Variants in MTBP observed in about 807,000 individuals in gnomAD.
The protein encoded by MTBP is MDM2 binding protein.
Under a neutral mutation model 117.0 loss-of-function variants are expected in MTBP, and 101 were observed. The observed-to-expected ratio is 0.86, with a 90% confidence interval of 0.73 to 1.02. The LOEUF is 1.02. Among genes scored for constraint, MTBP ranks in the 50% least tolerant of loss-of-function variants. The pLI, the probability that MTBP is intolerant of heterozygous loss-of-function variation, is 0.00. For missense variants in MTBP, 970 were observed against 1,030.9 expected (o/e 0.94, Z 0.81); for synonymous variants, 350 against 351.5 (o/e 1.00, Z 0.05).
intron 7 of MTBP, 42 bp from the exon 8 acceptor site, chr8:120,459,173 A>G (rs750126611): frequency 1.3e-6 from 2 of 1,539,774 alleles, no homozygotes; most frequent in African/African-American, 1.4e-5. Context: ...TTATAGCATT[A>G]TTCATGATAC....
chr8:120,506,722 C>G lies in MTBP; in HGVS notation c.1744C>G (p.His582Asp), dbSNP rs1563803617. Residue 582 changes from histidine to aspartate, a missense_variant, in exon 16 of 22, where the codon CAT becomes GAT. Physicochemically the swap from His to Asp is moderately conservative, Grantham distance 81. Coordinates refer to ENST00000305949, the MANE Select transcript of MTBP (RefSeq NM_022045.5). ...KQKMRTGSLP[H>D]SSEQLLGHKE... The stretch of plus-strand genomic sequence containing the variant: ...TTTTCCCAGAACTGGTTCATTACCT[C>G]ATTCATCTGAACAGTTGCTGGGCCA... 1.2e-6 allele frequency: 2 copies of G among 1,607,760 alleles called. No homozygotes were observed. Among genetic ancestry groups the G allele is most frequent in the East Asian group, 4.5e-5 (2 of 44,680 alleles).
At chr8:120,445,665 C>A in intron 1 of MTBP, 77 bp downstream of exon 1, 1 of 1,169,666 alleles carries the variant, frequency 8.5e-7, no homozygotes, top group Non-Finnish European at 1.2e-6. Flanking sequence ...TCAAGTTCTG[C>A]TGAAGAGGGA....
intron 13 of MTBP, among the ~76,000 whole-genome samples, chr8:120,495,983 A>C (rs1438088364): frequency 1.3e-5 from 2 of 152,164 alleles, no homozygotes; most frequent in Non-Finnish European, 2.9e-5. Flanking sequence ...ATTTGAACCA[A>C]CTGAAAAATA....
intron 13 of MTBP, among the ~76,000 whole-genome samples, chr8:120,493,749 C>A (rs896257622): frequency 2.6e-5 from 4 of 152,196 alleles, no homozygotes; most frequent in African/African-American, 9.6e-5. Context: ...CTTCGGCCTC[C>A]CAAAGTGCTG....
At chr8:120,509,812 T>G (rs1395780813) in intron 16 of MTBP, 122 bp from the exon 17 acceptor site, 1 of 634,828 alleles carries the variant, frequency 1.6e-6, no homozygotes, top group Non-Finnish European at 2.7e-6. Context: ...CCTTAACCTT[T>G]GTCCCATATA....
intron 11 of MTBP, chr8:120,472,528 GT>G (rs1181956346): frequency 6.6e-6 from 1 of 152,332 alleles, no homozygotes; most frequent in African/African-American, 2.4e-5. Context: ...TGATGTGGGT[GT>G]TTTGAACTTG....
chr8:120,482,987 C>G (rs1814123754), intron 11 of MTBP, among the ~76,000 whole-genome samples: 1 of 151,730 alleles, frequency 6.6e-6, no homozygotes. Flanking sequence ...GAATGAGCCA[C>G]CGCACCCGGA....
rs564151015 is a variant in MTBP at position 120,501,574 on chromosome 8, T to A, written c.1610-918T>A. On this transcript the variant is annotated intron_variant, in intron 14 of 21. Transcript: ENST00000305949. The stretch of plus-strand genomic sequence containing the variant: ...CTGGAAAAAGAAAAAAAAAAAAAAA[T>A]TCCTTTACCAAATCATTACTTTCTC... Among the ~76,000 whole-genome samples the A allele has an allele frequency of 2.4e-4, 36 of 151,060 alleles. No homozygotes were observed. The East Asian group carries it at 5.8e-3, about 24-fold the overall frequency.
At chr8:120,482,985 C>A (rs1476822051) in intron 11 of MTBP, among the ~76,000 whole-genome samples, 1 of 151,610 alleles carries the variant, frequency 6.6e-6, no homozygotes, top group Non-Finnish European at 1.5e-5. Context: ...AGGAATGAGC[C>A]ACCGCACCCG....
chr8:120,515,991 T>TA lies in MTBP; in HGVS notation c.2047dup (p.Ile683AsnfsTer4). The TA allele has an allele frequency of 5.0e-6, 8 of 1,613,084 alleles. No homozygotes were observed. The highest frequency in any genetic ancestry group is 6.8e-6 in the Non-Finnish European group (8 of 1,179,252). On this transcript the variant is annotated frameshift_variant, in exon 18 of 22. Coordinates refer to ENST00000305949, the MANE Select transcript of MTBP (RefSeq NM_022045.5). LOFTEE classifies it high-confidence loss of function. ...GATTTTCTGAACTTCAGTCTCGTCT[T>TA]ATTCGTTATGAAACTCAAACTACCT...
chr8:120,465,036 A>G (rs1194603970), intron 10 of MTBP, among the ~76,000 whole-genome samples: 3 of 152,174 alleles, frequency 2.0e-5, no homozygotes, highest in Non-Finnish European at 4.4e-5. Flanking sequence ...AGAGATTAAT[A>G]AGGCCATACA....
intron 11 of MTBP, among the ~76,000 whole-genome samples, chr8:120,477,645 T>A (rs563446843): frequency 6.6e-6 from 1 of 150,484 alleles, no homozygotes; most frequent in African/African-American, 2.5e-5. Context: ...AATAAACATA[T>A]GAAAAAAAGC....
intron 13 of MTBP, among the ~76,000 whole-genome samples, chr8:120,496,917 A>G (rs990943473): frequency 3.9e-5 from 6 of 151,900 alleles, no homozygotes; most frequent in African/African-American, 1.5e-4. Flanking sequence ...CTCCGTTACC[A>G]CTCGGTCATT....
chr8:120,459,414 G>A, intron 8 of MTBP, 65 bp downstream of exon 8: 1 of 1,475,326 alleles, frequency 6.8e-7, no homozygotes, highest in Non-Finnish European at 9.2e-7. Context: ...AAATATGTTT[G>A]AATCTTGACT....
At chr8:120,485,043 A>ACAT (rs1814180296) in intron 11 of MTBP, among the ~76,000 whole-genome samples, 8 of 151,970 alleles carry the variant, frequency 5.3e-5, no homozygotes, top group Admixed American at 5.2e-4. Flanking sequence ...GATATACCAC[A>ACAT]TTTTATTTAT....
At chr8:120,514,084 T>G (rs1350191691) in intron 17 of MTBP, among the ~76,000 whole-genome samples, 3 of 151,810 alleles carry the variant, frequency 2.0e-5, no homozygotes. Flanking sequence ...AAAGTGTGTA[T>G]TTTTAATATT....
intron 16 of MTBP, among the ~76,000 whole-genome samples, chr8:120,507,175 A>AT (rs557841653): frequency 2.0e-5 from 3 of 150,792 alleles, no homozygotes; most frequent in Admixed American, 6.6e-5. Context: ...GACTTACAAA[A>AT]TTTTTTTTTT....
In MTBP at chr8:120,455,590, T is replaced by TTG. The variant is rs1399840608; in HGVS notation, c.629+13_629+14dup. On this transcript the variant is annotated intron_variant, in intron 6 of 21. Transcript: ENST00000305949. The stretch of plus-strand genomic sequence containing the variant: ...AAATCATTGTGAAATGTAAGCTTCT[T>TTG]TGTTCATATTTGATTATTGTCTGCC... 14 of 1,602,960 alleles carry TTG rather than the reference T, an allele frequency of 8.7e-6. No homozygotes were observed. Among genetic ancestry groups the TTG allele is most frequent in the Non-Finnish European group, 1.2e-5 (14 of 1,176,448 alleles).
chr8:120,487,298 G>A (rs944350355), intron 11 of MTBP, among the ~76,000 whole-genome samples: 4 of 152,152 alleles, frequency 2.6e-5, no homozygotes, highest in African/African-American at 9.7e-5. Context: ...GAGGACGCGT[G>A]TATAAATTGT....
Sources: gnomAD v4.1 joint callset for allele counts (sites outside exome capture counted in the v4.1 genomes callset) on GRCh38, gnomAD v4.1.1 for gene constraint, MANE v1.5 for transcripts, NCBI Gene and HGNC (gene_info 2026-07-23, HGNC 2026-07-21) for gene names.